The following RIMBP2 variants were observed in gnomAD, a reference collection of about 807,000 sequenced individuals.
The protein encoded by RIMBP2 is RIMS binding protein 2, also known as RIMS-binding protein 2.
A neutral mutation model predicts 118.6 loss-of-function variants in RIMBP2; 48 were observed. The observed-to-expected ratio is 0.40, with a 90% CI of 0.32 to 0.51. The LOEUF is 0.51. Among genes scored for constraint, RIMBP2 ranks in the 20% least tolerant of loss-of-function variants. The probability of loss-of-function intolerance (pLI) is 0.41; values close to 1 mark genes in which losing one functional copy is unlikely to be tolerated. For missense variants in RIMBP2, 1,551 were observed against 1,768.3 expected, an observed-to-expected ratio of 0.88 and a Z score of 2.20; for synonymous variants, 762 against 742.9, an observed-to-expected ratio of 1.03 and a Z score of -0.42.
intron 1 of RIMBP2, among the ~76,000 whole-genome samples, chr12:130,713,354 T>G (rs1282769014): frequency 2.0e-5 from 3 of 151,644 alleles, no homozygotes; most frequent in South Asian, 4.2e-4. Flanking sequence ...GCAGGTGTCC[T>G]CAGCTGGTTG....
chr12:130,669,783 G>A (rs182272046), intron 1 of RIMBP2, among the ~76,000 whole-genome samples: 2 of 152,178 alleles, frequency 1.3e-5, no homozygotes, highest in African/African-American at 4.8e-5. Context: ...TACCCTTTCC[G>A]AGTGTGCCAG....
chr12:130,553,336 G>T (rs2056016088), intron 2 of RIMBP2, among the ~76,000 whole-genome samples: 1 of 152,032 alleles, frequency 6.6e-6, no homozygotes, highest in African/African-American at 2.4e-5. Flanking sequence ...GCCAGCTGCT[G>T]TGTTAAACAC....
chr12:130,477,152 T>TGAGTGC (rs1395512571), intron 5 of RIMBP2, among the ~76,000 whole-genome samples: 3 of 152,058 alleles, frequency 2.0e-5, no homozygotes, highest in African/African-American at 7.2e-5. Flanking sequence ...GAGACAATGG[T>TGAGTGC]GAGTGCGGGG....
At chr12:130,664,470 C>CACAT (rs1555320966) in intron 1 of RIMBP2, among the ~76,000 whole-genome samples, 1 of 150,018 alleles carries the variant, frequency 6.7e-6, no homozygotes, top group East Asian at 2.0e-4. Context: ...CGCACACACA[C>CACAT]GCACGCACAC....
chr12:130,402,107 T>C (rs563497654), intron 21 of RIMBP2, among the ~76,000 whole-genome samples: 7 of 152,334 alleles, frequency 4.6e-5, no homozygotes, highest in South Asian at 4.1e-4. Flanking sequence ...ACATGTACCA[T>C]GTCACTCCCT....
intron 2 of RIMBP2, among the ~76,000 whole-genome samples, chr12:130,597,384 C>T (rs1293541806): frequency 6.6e-6 from 1 of 152,180 alleles, no homozygotes; most frequent in African/African-American, 2.4e-5. Flanking sequence ...GCTGGAATTA[C>T]AGGCACATGC....
rs531515542 is a variant in RIMBP2 at position 130,424,969 on chromosome 12, A to G, written c.2413-111T>C. 34 of 512,956 alleles carry G rather than the reference A, an allele frequency of 6.6e-5. No individual in the cohort carries two copies. In the South Asian group the frequency reaches 2.4e-3, roughly 36 times the overall value. 31.8% of individuals were successfully genotyped at this position (512,956 alleles called of 1,614,324 possible). A position where few individuals can be genotyped will look rare whatever the true frequency, so the allele number is the denominator to read the frequency against. On this transcript the variant is annotated intron_variant, in intron 15 of 22. Coordinates refer to ENST00000690449, the MANE Select transcript of RIMBP2 (RefSeq NM_001393629.1). The surrounding 1 kb of genome is among the most constrained non-coding windows in gnomAD (Gnocchi z 9.8). ...GACAGAATTAGTCCTGGAGGCACCGAGGGGGGGGAAGCATGCGTCTACTCA... is the reference window on the plus strand; with the variant it reads ...GACAGAATTAGTCCTGGAGGCACCGGGGGGGGGGAAGCATGCGTCTACTCA...
chr12:130,686,051 G>A (rs147650207), intron 1 of RIMBP2, among the ~76,000 whole-genome samples: 1 of 152,006 alleles, frequency 6.6e-6, no homozygotes, highest in South Asian at 2.1e-4. Flanking sequence ...TGGCCCCAGC[G>A]CCTCACACCG....
At chr12:130,439,265 TG>T (rs1566037092) in intron 11 of RIMBP2, among the ~76,000 whole-genome samples, 2 of 149,482 alleles carry the variant, frequency 1.3e-5, no homozygotes, top group East Asian at 3.9e-4. Flanking sequence ...TACATGTGTA[TG>T]TGTGTATGTA....
At chr12:130,507,792 G>C (rs1019383564) in intron 3 of RIMBP2, among the ~76,000 whole-genome samples, 18 of 152,300 alleles carry the variant, frequency 1.2e-4, no homozygotes, top group African/African-American at 4.3e-4. Flanking sequence ...CTCCTCAAGT[G>C]TTATGATGTG....
chr12:130,684,105 G>A (rs1249853714), intron 1 of RIMBP2, among the ~76,000 whole-genome samples: 1 of 152,116 alleles, frequency 6.6e-6, no homozygotes, highest in Admixed American at 6.6e-5. Flanking sequence ...TGCATCATAA[G>A]AACCTCGGCC....
chr12:130,466,817 G>C (rs2080521628), intron 6 of RIMBP2, among the ~76,000 whole-genome samples: 1 of 152,168 alleles, frequency 6.6e-6, no homozygotes, highest in Non-Finnish European at 1.5e-5. Context: ...GCTCACCCGA[G>C]ACAAAGGTAT....
chr12:130,476,352 C>G (rs1828242881), intron 5 of RIMBP2, among the ~76,000 whole-genome samples: 1 of 152,186 alleles, frequency 6.6e-6, no homozygotes, highest in African/African-American at 2.4e-5. Flanking sequence ...GCCCTCTCAT[C>G]AGAATCACCT....
At chr12:130,612,220 G>A (rs1035890696) in intron 2 of RIMBP2, among the ~76,000 whole-genome samples, 2 of 152,130 alleles carry the variant, frequency 1.3e-5, no homozygotes, top group African/African-American at 2.4e-5. Context: ...AGAACAGGCC[G>A]CCACCTGTTC....
intron 1 of RIMBP2, among the ~76,000 whole-genome samples, chr12:130,629,928 TA>T (rs2061882927): frequency 9.6e-6 from 1 of 103,822 alleles, no homozygotes; most frequent in Admixed American, 1.2e-4. Context: ...AACATAATGA[TA>T]AAACCCAGAA....
At chr12:130,592,235 T>C (rs139092900) in intron 2 of RIMBP2, among the ~76,000 whole-genome samples, 1 of 152,346 alleles carries the variant, frequency 6.6e-6, no homozygotes, top group African/African-American at 2.4e-5. Flanking sequence ...CACCACAACC[T>C]GTTACCATCA....
intron 2 of RIMBP2, among the ~76,000 whole-genome samples, chr12:130,614,512 G>T (rs1249573047): frequency 6.6e-6 from 1 of 152,140 alleles, no homozygotes; most frequent in Non-Finnish European, 1.5e-5. Flanking sequence ...TTGATTCCTG[G>T]AGTCTTTCTG....
At chr12:130,536,066 G>C (rs2054052086) in intron 2 of RIMBP2, among the ~76,000 whole-genome samples, 1 of 152,084 alleles carries the variant, frequency 6.6e-6, no homozygotes, top group African/African-American at 2.4e-5. Context: ...TGGCATTACA[G>C]GCGTGAGCCA....
chr12:130,509,178 T>C (rs1260379351), intron 3 of RIMBP2, among the ~76,000 whole-genome samples: 1 of 152,090 alleles, frequency 6.6e-6, no homozygotes, highest in African/African-American at 2.4e-5. Context: ...CTTCCCTAAT[T>C]GATTAGGGCG....
Sources: allele counts gnomAD v4.1 joint callset (sites outside exome capture counted in the v4.1 genomes callset), GRCh38; gene constraint gnomAD v4.1.1; non-coding constraint Gnocchi (gnomAD v3.1); transcripts MANE v1.5; gene names NCBI Gene and HGNC (gene_info 2026-07-23, HGNC 2026-07-21).